The following TMEM123 variants were observed in gnomAD, a reference collection of about 807,000 sequenced individuals.
TMEM123 encodes transmembrane protein 123, also known as porimin.
A neutral mutation model predicts 19.7 loss-of-function variants in TMEM123; 16 were observed. The observed-to-expected ratio is 0.81, with a 90% CI of 0.55 to 1.23. The LOEUF (loss-of-function observed/expected upper bound fraction) is 1.23. Among genes scored for constraint, TMEM123 ranks in the 50% most tolerant of loss-of-function variants. The pLI is 0.00. For synonymous variants in TMEM123, 118 were observed against 99.4 expected (o/e 1.19, Z -1.12); for missense variants, 313 against 257.8 (o/e 1.21, Z -1.47).
rs370629829 is a variant in TMEM123 at position 102,401,613 on chromosome 11, C to T, written c.528G>A (p.Thr176=). 8 of 1,607,234 alleles carry T rather than the reference C, an allele frequency of 5.0e-6. No individual in the cohort carries two copies. The highest frequency in any genetic ancestry group is 1.7e-4 in the Middle Eastern group (1 of 6,058). ...TGSFVGGIVL[T]LGVLSILYIG... ...TGTAAAGAATAGATAAAACTCCCAG[C>T]GTTAATACAATACCACCAACAAAGC... Residue 176 remains threonine (T), a synonymous_variant, in exon 4 of 5, where the codon ACG becomes ACA. Coordinates refer to ENST00000398136, the MANE Select transcript of TMEM123 (RefSeq NM_052932.3).
chr11:102,409,961 T>C (rs895849386), intron 2 of TMEM123, among the ~76,000 whole-genome samples: 1 of 151,776 alleles, frequency 6.6e-6, no homozygotes, highest in Non-Finnish European at 1.5e-5. Flanking sequence ...TAAAGAACTG[T>C]ACATTTTCTG....
intron 2 of TMEM123, 100 bp from the exon 3 acceptor site, chr11:102,402,306 T>G: frequency 1.6e-6 from 2 of 1,234,300 alleles, no homozygotes; most frequent in East Asian, 2.4e-5. Flanking sequence ...GCAAGAGATC[T>G]TACAAATACA....
intron 2 of TMEM123, among the ~76,000 whole-genome samples, chr11:102,423,879 T>C (rs1162332394): frequency 6.6e-6 from 1 of 152,206 alleles, no homozygotes; most frequent in Non-Finnish European, 1.5e-5. Flanking sequence ...ACTTAAAATA[T>C]TAAGTGCGTG....
At chr11:102,427,449 T>A (rs1186318212) in intron 2 of TMEM123, among the ~76,000 whole-genome samples, 1 of 116,136 alleles carries the variant, frequency 8.6e-6, no homozygotes, top group Non-Finnish European at 1.8e-5. Flanking sequence ...TATAAATTCT[T>A]TTTTTTTTTT....
rs537785914 is a variant in TMEM123, at chr11:102,402,036, T to C, written c.328A>G (p.Thr110Ala). 97 of 1,614,040 alleles carry C rather than the reference T, an allele frequency of 6.0e-5. No individual in the cohort carries two copies. The South Asian group carries it at 8.6e-4, about 14-fold the overall frequency. Residue 110 changes from threonine to alanine, a missense_variant, in exon 3 of 5, where the codon ACC becomes GCC. Coordinates refer to ENST00000398136, the MANE Select transcript of TMEM123 (RefSeq NM_052932.3). ...PGMVSTNMTS[T>A]TLKSTPKTTS... ...GTTTTGGGTGTAGACTTTAAGGTGG[T>C]AGAAGTCATATTTGTTGAGACCATC... is the stretch of plus-strand genomic sequence containing the variant.
chr11:102,423,019 A>AGT (rs372899153), intron 2 of TMEM123, among the ~76,000 whole-genome samples: 84 of 152,298 alleles, frequency 5.5e-4, no homozygotes, highest in African/African-American at 1.9e-3. Flanking sequence ...TACTGACTCG[A>AGT]CAATCCCACT....
chr11:102,451,975 C>G (rs949087002), intron 1 of TMEM123, among the ~76,000 whole-genome samples: 3 of 152,334 alleles, frequency 2.0e-5, no homozygotes, highest in African/African-American at 7.2e-5. Context: ...CAAAAGCTCC[C>G]AACTAGCTCC....
chr11:102,406,679 G>A (rs906510764), intron 2 of TMEM123, among the ~76,000 whole-genome samples: 3 of 151,864 alleles, frequency 2.0e-5, no homozygotes, highest in African/African-American at 7.3e-5. Context: ...ATCGATCACT[G>A]GCTAACACAG....
intron 2 of TMEM123, among the ~76,000 whole-genome samples, chr11:102,410,216 A>G (rs780088250): frequency 5.3e-5 from 8 of 152,190 alleles, no homozygotes; most frequent in Non-Finnish European, 1.0e-4. Flanking sequence ...TAAAGTGATA[A>G]TGACCTGTCT....
Position 102,440,705 on chromosome 11 carries a change from C to G in TMEM123, c.157+8107G>C, listed in dbSNP as rs1316707675. On this transcript the variant is annotated intron_variant, in intron 2 of 4. Coordinates refer to ENST00000398136, the MANE Select transcript of TMEM123 (RefSeq NM_052932.3). Reference sequence around the variant, plus strand: ...ATCAAATCACACATAACAATATTAACCTTAAATGTAAATGGGGTAAATGCT... The same window carrying G: ...ATCAAATCACACATAACAATATTAAGCTTAAATGTAAATGGGGTAAATGCT... 2.0e-5 allele frequency among the ~76,000 whole-genome samples: 3 copies of G among 152,172 alleles called. No homozygotes were observed. In the South Asian group the frequency reaches 6.2e-4, roughly 32 times the overall value.
Position 102,398,793 on chromosome 11 carries a change from T to A in TMEM123, c.*74A>T. 1 of 1,469,406 alleles carries A rather than the reference T, an allele frequency of 6.8e-7. No individual in the cohort carries two copies. Among genetic ancestry groups the A allele is most frequent in the Admixed American group, 1.8e-5 (1 of 54,258 alleles). The allele number at this position is 1,469,406 out of a possible 1,614,324, so 91.0% of individuals were successfully genotyped here. On this transcript the variant is annotated 3_prime_UTR_variant, in exon 5 of 5. Coordinates refer to ENST00000398136, the MANE Select transcript of TMEM123 (RefSeq NM_052932.3). The stretch of plus-strand genomic sequence containing the variant: ...TATTTTCAAAAAGAGAATATTGTTT[T>A]AAACTATTAATAAACCAAAATTAAT...
At chr11:102,407,483 A>C (rs1300742913) in intron 2 of TMEM123, among the ~76,000 whole-genome samples, 1 of 152,186 alleles carries the variant, frequency 6.6e-6, no homozygotes, top group Non-Finnish European at 1.5e-5. Context: ...CACCCTGCCC[A>C]AATTCATACT....
intron 4 of TMEM123, among the ~76,000 whole-genome samples, chr11:102,400,261 C>T (rs1951900862): frequency 6.6e-6 from 1 of 152,180 alleles, no homozygotes; most frequent in African/African-American, 2.4e-5. Flanking sequence ...GTGTTAGCTC[C>T]CATTGAAGAG....
chr11:102,409,239 A>G (rs1042727163), intron 2 of TMEM123, among the ~76,000 whole-genome samples: 5 of 152,166 alleles, frequency 3.3e-5, no homozygotes, highest in African/African-American at 9.7e-5. Context: ...GACATAAACC[A>G]TAAATTTCTG....
intron 1 of TMEM123, among the ~76,000 whole-genome samples, chr11:102,449,900 C>T (rs1393946383): frequency 1.3e-5 from 2 of 152,198 alleles, no homozygotes; most frequent in Non-Finnish European, 2.9e-5. Context: ...GTGGCAGAGA[C>T]TGGAATTGGA....
intron 2 of TMEM123, among the ~76,000 whole-genome samples, chr11:102,420,037 A>T (rs2135851837): frequency 6.6e-6 from 1 of 152,342 alleles, no homozygotes; most frequent in Admixed American, 6.5e-5. Flanking sequence ...ACTGGAAGGC[A>T]ATGGGGAAGA....
At chr11:102,451,298 T>C (rs1242261431) in intron 1 of TMEM123, 2 of 152,208 alleles carry the variant, frequency 1.3e-5, no homozygotes, top group African/African-American at 4.8e-5. Context: ...CATGAGATAA[T>C]TGGTATAAAA....
At chr11:102,410,500 CCT>C (rs202080242) in intron 2 of TMEM123, among the ~76,000 whole-genome samples, 3,008 of 147,968 alleles carry the variant, frequency 0.02, 38 homozygotes, top group Non-Finnish European at 0.025. Context: ...CACAATAACC[CCT>C]GTTAGTTACA....
At chr11:102,412,297 G>C (rs751133962) in intron 2 of TMEM123, among the ~76,000 whole-genome samples, 2 of 152,006 alleles carry the variant, frequency 1.3e-5, no homozygotes, top group Non-Finnish European at 2.9e-5. Flanking sequence ...GCATGGTGGC[G>C]CATGCCTGTA....
Sources: gnomAD v4.1 joint callset for allele counts (sites outside exome capture counted in the v4.1 genomes callset) on GRCh38, gnomAD v4.1.1 for gene constraint, MANE v1.5 for transcripts, NCBI Gene and HGNC (gene_info 2026-07-23, HGNC 2026-07-21) for gene names.